Variants in CCSER1 observed in about 807,000 individuals in gnomAD.
The protein encoded by CCSER1 is serine-rich coiled-coil domain-containing protein 1.
A neutral mutation model predicts 82.0 loss-of-function variants in CCSER1; 41 were observed. The observed-to-expected ratio is 0.50, with a 90% CI of 0.39 to 0.65. The LOEUF is 0.65. Among genes scored for constraint, CCSER1 ranks in the 30% least tolerant of loss-of-function variants. CCSER1 has a pLI of 0.00. For missense variants in CCSER1, 1,119 were observed against 1,064.2 expected, an observed-to-expected ratio of 1.05 and a Z score of -0.72; for synonymous variants, 414 against 383.9, an observed-to-expected ratio of 1.08 and a Z score of -0.92.
intron 10 of CCSER1, among the ~76,000 whole-genome samples, chr4:91,402,342 G>T (rs1752398802): frequency 1.3e-5 from 2 of 152,122 alleles, no homozygotes. Flanking sequence ...CATTCTGTAG[G>T]TTGCCTATTC....
At chr4:90,383,798 A>G (rs1220903816) in intron 3 of CCSER1, among the ~76,000 whole-genome samples, 2 of 151,884 alleles carry the variant, frequency 1.3e-5, no homozygotes, top group African/African-American at 2.4e-5. Context: ...GTGGCACAAT[A>G]ATAGGTCTTT....
chr4:90,997,249 G>A (rs1478021006), intron 9 of CCSER1, among the ~76,000 whole-genome samples: 1 of 151,844 alleles, frequency 6.6e-6, no homozygotes, highest in Non-Finnish European at 1.5e-5. Context: ...CTTGATCATG[G>A]CACCATCCTT....
At chr4:90,220,479 T>G (rs1741943360) in intron 1 of CCSER1, among the ~76,000 whole-genome samples, 1 of 152,072 alleles carries the variant, frequency 6.6e-6, no homozygotes, top group Non-Finnish European at 1.5e-5. Context: ...TTTTGCTTTC[T>G]GTGACTTAAG....
intron 10 of CCSER1, among the ~76,000 whole-genome samples, chr4:91,168,104 C>T (rs1332722993): frequency 6.7e-6 from 1 of 149,358 alleles, no homozygotes; most frequent in Admixed American, 6.7e-5. Context: ...GCCCAGCCCC[C>T]CCGTCTGGGA....
At chr4:91,122,290 C>T (rs1237345985) in intron 10 of CCSER1, among the ~76,000 whole-genome samples, 2 of 151,724 alleles carry the variant, frequency 1.3e-5, no homozygotes, top group Non-Finnish European at 3.0e-5. Flanking sequence ...CTCGTAGATA[C>T]AGAAATAATT....
In CCSER1 at chr4:91,009,182, C is replaced by A. The variant is rs528126088; in HGVS notation, c.2173-76768C>A. On this transcript the variant is annotated intron_variant, in intron 9 of 10. Transcript: ENST00000509176. ...GACAAAAGCTCAGCTCCAGCCTTAA[C>A]AAACACAGAGCAGAAGAGAGTGCAT... Among the ~76,000 whole-genome samples, 4 of 152,214 alleles carry A rather than the reference C, an allele frequency of 2.6e-5. No homozygotes were observed. In the South Asian group the frequency reaches 8.3e-4, roughly 32 times the overall value.
At chr4:91,164,448 C>G (rs1300661487) in intron 10 of CCSER1, among the ~76,000 whole-genome samples, 2 of 152,048 alleles carry the variant, frequency 1.3e-5, no homozygotes, top group Non-Finnish European at 2.9e-5. Context: ...GTGGTATTCT[C>G]TGTATTTCCT....
At chr4:91,185,779 A>G (rs111403086) in intron 10 of CCSER1, among the ~76,000 whole-genome samples, 1 of 152,040 alleles carries the variant, frequency 6.6e-6, no homozygotes, top group Non-Finnish European at 1.5e-5. Flanking sequence ...ATTTTTCTAC[A>G]TTCCTTTTTA....
intron 9 of CCSER1, among the ~76,000 whole-genome samples, chr4:91,012,096 G>A (rs1178573998): frequency 7.4e-6 from 1 of 134,806 alleles, no homozygotes; most frequent in African/African-American, 2.5e-5. Flanking sequence ...GCTTGGGTTG[G>A]CCAAGGCACC....
intron 10 of CCSER1, among the ~76,000 whole-genome samples, chr4:91,520,653 G>C (rs1432258871): frequency 6.6e-6 from 1 of 152,120 alleles, no homozygotes; most frequent in East Asian, 1.9e-4. Flanking sequence ...GTTACTGTCT[G>C]ATGTCTGTTT....
intron 4 of CCSER1, among the ~76,000 whole-genome samples, chr4:90,423,952 A>G (rs28485999): frequency 0.26 from 39,736 of 151,350 alleles, 8,390 homozygotes; most frequent in African/African-American, 0.58. Context: ...TTAGCTGGGC[A>G]CAGTGGCGGG....
chr4:90,258,657 T>C (rs892211690), intron 1 of CCSER1, among the ~76,000 whole-genome samples: 3 of 152,228 alleles, frequency 2.0e-5, no homozygotes, highest in Non-Finnish European at 4.4e-5. Flanking sequence ...TTTGATTTTC[T>C]AGCCATTTTT....
intron 3 of CCSER1, among the ~76,000 whole-genome samples, chr4:90,350,243 G>A (rs1442175190): frequency 6.6e-6 from 1 of 152,046 alleles, no homozygotes; most frequent in Non-Finnish European, 1.5e-5. Flanking sequence ...AAATATGTAT[G>A]TGGAAAAAAG....
At chr4:90,196,333 C>G (rs1353938677) in intron 1 of CCSER1, among the ~76,000 whole-genome samples, 1 of 151,964 alleles carries the variant, frequency 6.6e-6, no homozygotes, top group Non-Finnish European at 1.5e-5. Context: ...AACGTACTGT[C>G]CAGATCCTTT....
At chr4:90,994,143 G>A (rs925446029) in intron 9 of CCSER1, among the ~76,000 whole-genome samples, 1 of 151,804 alleles carries the variant, frequency 6.6e-6, no homozygotes, top group Admixed American at 6.6e-5. Context: ...AGGCTGTAGT[G>A]CATTATCATC....
chr4:91,362,184 T>A (rs986622008), intron 10 of CCSER1, among the ~76,000 whole-genome samples: 1 of 151,718 alleles, frequency 6.6e-6, no homozygotes, highest in Admixed American at 6.6e-5. Flanking sequence ...CAGAAAACGA[T>A]CTTGAGATTA....
chr4:91,123,972 T>C (rs141160343), intron 10 of CCSER1, among the ~76,000 whole-genome samples: 80 of 151,814 alleles, frequency 5.3e-4, no homozygotes, highest in African/African-American at 1.9e-3. Context: ...TATATGTCAT[T>C]ATTAAGAGCT....
At chr4:91,435,529 T>C (rs1352339601) in intron 10 of CCSER1, among the ~76,000 whole-genome samples, 1 of 152,208 alleles carries the variant, frequency 6.6e-6, no homozygotes, top group Non-Finnish European at 1.5e-5. Context: ...TCTCTTACTT[T>C]TCATCGTCTG....
chr4:90,859,405 C>G (rs1038284937), intron 8 of CCSER1, among the ~76,000 whole-genome samples: 1 of 151,786 alleles, frequency 6.6e-6, no homozygotes, highest in African/African-American at 2.4e-5. Context: ...AGTAATTGCT[C>G]TCTTTATGGG....
Sources: allele counts gnomAD v4.1 joint callset (sites outside exome capture counted in the v4.1 genomes callset), GRCh38; gene constraint gnomAD v4.1.1; transcripts MANE v1.5; gene names NCBI Gene and HGNC (gene_info 2026-07-23, HGNC 2026-07-21).